The following CACNG3 variants were observed in gnomAD, a reference collection of about 807,000 sequenced individuals.
CACNG3 encodes voltage-dependent calcium channel gamma-3 subunit.
In CACNG3, 3 loss-of-function variants were observed where a neutral mutation model predicts 28.5. The observed-to-expected ratio is 0.11, with a 90% CI of 0.05 to 0.27. CACNG3 has a LOEUF of 0.27. CACNG3 is among the 10% of genes least tolerant of loss of function. The probability of loss-of-function intolerance (pLI) is 1.00; values close to 1 mark genes in which losing one functional copy is unlikely to be tolerated. For missense variants in CACNG3, 236 were observed against 414.4 expected, an observed-to-expected ratio of 0.57 and a Z score of 3.74; for synonymous variants, 174 against 162.2, an observed-to-expected ratio of 1.07 and a Z score of -0.55.
intron 1 of CACNG3, among the ~76,000 whole-genome samples, chr16:24,308,322 T>C (rs1021144225): frequency 5.9e-5 from 9 of 152,166 alleles, no homozygotes; most frequent in Non-Finnish European, 1.3e-4. Context: ...CTTCCTGGAC[T>C]AGATGTGACT....
At chr16:24,275,727 A>T (rs1288969120) in intron 1 of CACNG3, among the ~76,000 whole-genome samples, 1 of 152,222 alleles carries the variant, frequency 6.6e-6, no homozygotes, top group Non-Finnish European at 1.5e-5. Context: ...AGTGATAATT[A>T]TGATTTTGGA....
chr16:24,259,704 G>T lies in CACNG3; in HGVS notation c.211+2739G>T, dbSNP rs1007797827. ...AGAGAGATTTGAGATGTTCTGTGTG[G>T]CCTCAAGGAGGTAGAAGTAGGAGCT... On this transcript the variant is annotated intron_variant, in intron 1 of 3. Coordinates refer to ENST00000005284, the MANE Select transcript of CACNG3 (RefSeq NM_006539.4). Among the ~76,000 whole-genome samples, 17 of 152,280 alleles carry T rather than the reference G, an allele frequency of 1.1e-4. No homozygotes were observed. The South Asian group carries it at 2.1e-3, about 19-fold the overall frequency.
intron 1 of CACNG3, among the ~76,000 whole-genome samples, chr16:24,280,240 A>C (rs1262806890): frequency 1.3e-5 from 2 of 152,162 alleles, no homozygotes; most frequent in Non-Finnish European, 2.9e-5. Flanking sequence ...CTGACTTGTC[A>C]TCTGGTTTTA....
rs71154295 is a variant in CACNG3 at position 24,280,821 on chromosome 16, CAA to C, written c.211+23879_211+23880del. Among the ~76,000 whole-genome samples, 175 of 55,638 alleles carry C rather than the reference CAA, an allele frequency of 3.1e-3. 2 individuals carry two copies. The East Asian group carries it at 0.05, about 16-fold the overall frequency. The allele number at this position is 55,638 out of a possible 152,430, so 36.5% of individuals were successfully genotyped here. A position where few individuals can be genotyped will look rare whatever the true frequency, so the allele number is the denominator to read the frequency against. The stretch of plus-strand genomic sequence containing the variant: ...TGGGTGACAGAGCAAGAGTTTGTCT[CAA>C]AAAAAAAAAAAAAAAAAAAAAAGAC... On this transcript the variant is annotated intron_variant, in intron 1 of 3. Transcript: ENST00000005284.
chr16:24,301,558 C>A (rs1899112202), intron 1 of CACNG3, among the ~76,000 whole-genome samples: 1 of 152,172 alleles, frequency 6.6e-6, no homozygotes, highest in Admixed American at 6.5e-5. Flanking sequence ...CTTCAGCCTG[C>A]CCAGTGATTA....
intron 2 of CACNG3, among the ~76,000 whole-genome samples, chr16:24,349,273 G>A (rs1365317021): frequency 2.6e-5 from 4 of 152,196 alleles, no homozygotes; most frequent in Non-Finnish European, 5.9e-5. Context: ...ACCCATAGCA[G>A]TGTTACCGGA....
At chr16:24,302,872 C>A (rs923583972) in intron 1 of CACNG3, among the ~76,000 whole-genome samples, 3 of 152,074 alleles carry the variant, frequency 2.0e-5, no homozygotes, top group Non-Finnish European at 2.9e-5. Flanking sequence ...GTTGGCCAGG[C>A]CGGTTTTGAA....
intron 1 of CACNG3, among the ~76,000 whole-genome samples, chr16:24,322,710 A>G (rs1899481219): frequency 6.6e-6 from 1 of 152,156 alleles, no homozygotes; most frequent in African/African-American, 2.4e-5. Context: ...GAGGTTCCTT[A>G]AAGTAACTTT....
chr16:24,347,395 A>C (rs1443685294), intron 2 of CACNG3, among the ~76,000 whole-genome samples: 2 of 152,170 alleles, frequency 1.3e-5, no homozygotes, highest in African/African-American at 4.8e-5. Flanking sequence ...GGAAGGAAGG[A>C]AGGCAGGAAG....
chr16:24,337,466 T>C lies in CACNG3; in HGVS notation c.212-9268T>C, dbSNP rs78201490. Among the ~76,000 whole-genome samples, 1,137 of 151,966 alleles carry C rather than the reference T, an allele frequency of 7.5e-3. 15 individuals are homozygous for C. Among genetic ancestry groups the C allele is most frequent in the African/African-American group, 0.026 (1,082 of 41,456 alleles). On this transcript the variant is annotated intron_variant, in intron 1 of 3. Transcript: ENST00000005284. ...TAGGGACTCTGAGCCCCTTTTCAGC[T>C]CAAGTACCTGGGAAGCACCACTTTC...
chr16:24,291,671 C>A (rs762312815), intron 1 of CACNG3, among the ~76,000 whole-genome samples: 1 of 152,112 alleles, frequency 6.6e-6, no homozygotes, highest in Non-Finnish European at 1.5e-5. Flanking sequence ...GGGTTCAAGA[C>A]CTCCTTCCCC....
At chr16:24,290,782 G>A (rs1329764672) in intron 1 of CACNG3, among the ~76,000 whole-genome samples, 1 of 152,004 alleles carries the variant, frequency 6.6e-6, no homozygotes, top group Non-Finnish European at 1.5e-5. Context: ...TATATGTGAA[G>A]TGTTTATCAC....
intron 1 of CACNG3, among the ~76,000 whole-genome samples, chr16:24,266,752 C>A (rs936020984): frequency 2.0e-5 from 3 of 152,112 alleles, no homozygotes; most frequent in Admixed American, 6.5e-5. Flanking sequence ...GAGCTCTCTG[C>A]AAGGCAGGAA....
intron 1 of CACNG3, among the ~76,000 whole-genome samples, chr16:24,291,932 G>A (rs1898973735): frequency 6.6e-6 from 1 of 152,116 alleles, no homozygotes; most frequent in Non-Finnish European, 1.5e-5. Flanking sequence ...TGAAGGAAAG[G>A]GTTAAGGAGG....
intron 1 of CACNG3, among the ~76,000 whole-genome samples, chr16:24,261,857 A>G (rs1190040863): frequency 6.6e-6 from 1 of 152,174 alleles, no homozygotes; most frequent in East Asian, 1.9e-4. Flanking sequence ...CAGATGGTTG[A>G]CTTTTTCAGC....
At chr16:24,278,593 C>T (rs577345771) in intron 1 of CACNG3, among the ~76,000 whole-genome samples, 16 of 151,892 alleles carry the variant, frequency 1.1e-4, no homozygotes, top group African/African-American at 2.7e-4. Flanking sequence ...TCCAGCCTGG[C>T]GACAGAGGGA....
chr16:24,287,489 G>A (rs1255780272), intron 1 of CACNG3, among the ~76,000 whole-genome samples: 1 of 140,586 alleles, frequency 7.1e-6, no homozygotes, highest in African/African-American at 2.7e-5. Context: ...CTGCACTCCA[G>A]CTGGGGCAAC....
chr16:24,272,866 C>CA lies in CACNG3; in HGVS notation c.211+15902dup, dbSNP rs1898708214. ...CTTTTTTAAAATTTTATTTTAAGTT[C>CA]AGGGGTACTTGTGCAGGTTTGTTAT... On this transcript the variant is annotated intron_variant, in intron 1 of 3. Transcript: ENST00000005284. Among the ~76,000 whole-genome samples, 12 of 152,064 alleles carry CA rather than the reference C, an allele frequency of 7.9e-5. 1 individual carries two copies. The South Asian group carries it at 2.5e-3, about 32-fold the overall frequency.
At chr16:24,257,558 A>G (rs966634876) in intron 1 of CACNG3, among the ~76,000 whole-genome samples, 4 of 152,142 alleles carry the variant, frequency 2.6e-5, no homozygotes, top group African/African-American at 9.7e-5. Flanking sequence ...AGGGTAACAT[A>G]TGTAAACCCC....
Sources: allele counts gnomAD v4.1 joint callset (sites outside exome capture counted in the v4.1 genomes callset), GRCh38; gene constraint gnomAD v4.1.1; transcripts MANE v1.5; gene names NCBI Gene and HGNC (gene_info 2026-07-23, HGNC 2026-07-21).